Variants in COL27A1 observed in about 807,000 individuals in gnomAD.
COL27A1 encodes the protein collagen alpha-1(XXVII) chain.
In COL27A1, 106 loss-of-function variants were observed where a neutral mutation model predicts 251.3. The ratio of observed to expected loss-of-function variants is 0.42; its 90% CI spans 0.36 to 0.50. The LOEUF (loss-of-function observed/expected upper bound fraction) is 0.50. COL27A1 is among the 20% of genes least tolerant of loss of function. The pLI is 0.00. For synonymous variants in COL27A1, 1,000 were observed against 986.3 expected (o/e 1.01, Z -0.26); for missense variants, 2,325 against 2,522.8 (o/e 0.92, Z 1.68).
intron 23 of COL27A1, among the ~76,000 whole-genome samples, chr9:114,245,148 GTTTTTTTTT>G (rs779029948): frequency 1.1e-4 from 11 of 101,334 alleles, no homozygotes; most frequent in Non-Finnish European, 5.9e-5. Flanking sequence ...GTGCATTCTT[GTTTTTTTTT>G]TTTTTTTTTT....
chr9:114,194,098 TG>T (rs1215230335), intron 5 of COL27A1, among the ~76,000 whole-genome samples: 1 of 152,144 alleles, frequency 6.6e-6, no homozygotes, highest in Non-Finnish European at 1.5e-5. Flanking sequence ...GGACCCTCTC[TG>T]TGGGTTTGGC....
intron 45 of COL27A1, among the ~76,000 whole-genome samples, 176 bp downstream of exon 45, chr9:114,289,471 AGC>A (rs1236314374): frequency 6.6e-6 from 1 of 152,132 alleles, no homozygotes; most frequent in Non-Finnish European, 1.5e-5. Flanking sequence ...CCCTTCAAAT[AGC>A]CTGAGTGAGG....
At chr9:114,291,708 C>T (rs1827930076) in intron 48 of COL27A1, among the ~76,000 whole-genome samples, 1 of 152,152 alleles carries the variant, frequency 6.6e-6, no homozygotes, top group Non-Finnish European at 1.5e-5. Flanking sequence ...GAGATCGCAC[C>T]ACTGCACTCC....
intron 34 of COL27A1, among the ~76,000 whole-genome samples, chr9:114,268,426 G>A (rs1296879936): frequency 6.6e-6 from 1 of 152,160 alleles, no homozygotes; most frequent in African/African-American, 2.4e-5. Context: ...CAATGAGAAA[G>A]ACCCTTTTAG....
intron 27 of COL27A1, among the ~76,000 whole-genome samples, chr9:114,253,412 AAGAAG>A (rs1378565264): frequency 8.8e-6 from 1 of 114,146 alleles, no homozygotes; most frequent in Admixed American, 8.2e-5. Context: ...AAAAGACAGA[AAGAAG>A]AGGAGAAAAA....
At chr9:114,214,523 AT>A (rs1683142327) in intron 12 of COL27A1, among the ~76,000 whole-genome samples, 1 of 152,232 alleles carries the variant, frequency 6.6e-6, no homozygotes, top group African/African-American at 2.4e-5. Flanking sequence ...GTCAAAGCAC[AT>A]CAGAGCTATA....
chr9:114,189,388 A>G (rs1008788060), intron 5 of COL27A1, among the ~76,000 whole-genome samples: 1 of 152,194 alleles, frequency 6.6e-6, no homozygotes, highest in East Asian at 1.9e-4. Flanking sequence ...ATTTATTTTT[A>G]TGCTAGTAAA....
chr9:114,246,245 T>G, intron 24 of COL27A1: 1 of 242,970 alleles, frequency 4.1e-6, no homozygotes, highest in Non-Finnish European at 7.8e-6. Flanking sequence ...GTTGCTCGTG[T>G]TCCCATCAGC....
chr9:114,170,871 C>A (rs1485499953), intron 3 of COL27A1, among the ~76,000 whole-genome samples: 1 of 152,206 alleles, frequency 6.6e-6, no homozygotes, highest in Non-Finnish European at 1.5e-5. Flanking sequence ...ACGCTGTGTG[C>A]GTGCTGGGCT....
intron 4 of COL27A1, among the ~76,000 whole-genome samples, chr9:114,179,547 C>G (rs575426960): frequency 3.3e-5 from 5 of 152,340 alleles, no homozygotes; most frequent in Middle Eastern, 3.4e-3. Context: ...TTTCTGATGA[C>G]CACTCCCTTC....
chr9:114,163,738 C>T (rs968168695), intron 2 of COL27A1, among the ~76,000 whole-genome samples: 5 of 152,192 alleles, frequency 3.3e-5, no homozygotes, highest in Non-Finnish European at 7.3e-5. Context: ...CAGGGCTGTG[C>T]CCGGAAGAGA....
chr9:114,163,159 A>C (rs1027448715), intron 2 of COL27A1, among the ~76,000 whole-genome samples: 1 of 152,090 alleles, frequency 6.6e-6, no homozygotes, highest in East Asian at 1.9e-4. Flanking sequence ...GCTTCAACCC[A>C]GGAGGCGGAG....
At chr9:114,208,302 G>A (rs146480014) in intron 10 of COL27A1, among the ~76,000 whole-genome samples, 15 of 152,220 alleles carry the variant, frequency 9.9e-5, no homozygotes, top group African/African-American at 3.1e-4. Context: ...TTAGCTGGGC[G>A]TGGTGGTGCA....
chr9:114,252,022 C>T (rs1360568158), intron 25 of COL27A1, among the ~76,000 whole-genome samples: 1 of 152,212 alleles, frequency 6.6e-6, no homozygotes, highest in Non-Finnish European at 1.5e-5. Flanking sequence ...ATACAAGAAA[C>T]AGAGCCTCAC....
chr9:114,196,085 T>C, intron 7 of COL27A1, 73 bp downstream of exon 7: 1 of 1,343,702 alleles, frequency 7.4e-7, no homozygotes, highest in Non-Finnish European at 1.1e-6. Flanking sequence ...GCAGAAGAGC[T>C]GTGGGCCCAC....
At position 114,239,248 on chromosome 9, in the gene COL27A1, G is replaced by T. The variant is rs10982120; in HGVS notation, c.2728-972G>T. ...AGCATCAGGATTTGCTCAGCATCCCGACTGCTAAGTTCTCACTTAGAGATG... is the reference window on the plus strand; with the variant it reads ...AGCATCAGGATTTGCTCAGCATCCCTACTGCTAAGTTCTCACTTAGAGATG... On this transcript the variant is annotated intron_variant, in intron 19 of 60. Coordinates refer to ENST00000356083, the MANE Select transcript of COL27A1 (RefSeq NM_032888.4). Among the ~76,000 whole-genome samples, 35 of 152,338 alleles carry T rather than the reference G, an allele frequency of 2.3e-4. No homozygotes were observed. In the East Asian group the frequency reaches 6.8e-3, roughly 29 times the overall value.
chr9:114,257,436 C>A (rs535959913), intron 27 of COL27A1, among the ~76,000 whole-genome samples: 2 of 152,266 alleles, frequency 1.3e-5, no homozygotes, highest in South Asian at 2.1e-4. Flanking sequence ...TCCGTTCCCA[C>A]CCTCTGCCCT....
intron 1 of COL27A1, among the ~76,000 whole-genome samples, chr9:114,158,097 C>A (rs1848243096): frequency 1.3e-5 from 2 of 152,190 alleles, no homozygotes; most frequent in Non-Finnish European, 2.9e-5. Context: ...CGTCTGGGCA[C>A]AGGGGGTCTG....
intron 5 of COL27A1, 129 bp downstream of exon 5, chr9:114,183,204 G>T (rs1564440846): frequency 1.2e-6 from 1 of 854,182 alleles, no homozygotes; most frequent in Non-Finnish European, 1.9e-6. Flanking sequence ...TAAGCCAGGG[G>T]CACCCTCTGG....
Sources: gnomAD v4.1 joint callset for allele counts (sites outside exome capture counted in the v4.1 genomes callset) on GRCh38, gnomAD v4.1.1 for gene constraint, MANE v1.5 for transcripts, NCBI Gene and HGNC (gene_info 2026-07-23, HGNC 2026-07-21) for gene names.